The following NMNAT2 variants were observed in gnomAD, a reference collection of about 807,000 sequenced individuals.
NMNAT2 encodes nicotinamide/nicotinic acid mononucleotide adenylyltransferase 2.
Under a neutral mutation model 41.6 loss-of-function variants are expected in NMNAT2, and 11 were observed. The ratio of observed to expected loss-of-function variants is 0.26; its 90% CI spans 0.17 to 0.44. NMNAT2 has a LOEUF of 0.44. NMNAT2 is among the 20% of genes least tolerant of loss of function. The pLI is 1.00. For missense variants in NMNAT2, 288 were observed against 407.7 expected, an observed-to-expected ratio of 0.71 and a Z score of 2.53; for synonymous variants, 148 against 151.2, an observed-to-expected ratio of 0.98 and a Z score of 0.16.
intron 1 of NMNAT2, among the ~76,000 whole-genome samples, chr1:183,378,108 T>C (rs1663717687): frequency 6.6e-6 from 1 of 151,996 alleles, no homozygotes; most frequent in Non-Finnish European, 1.5e-5. Flanking sequence ...AAAATAAAAA[T>C]AGTCTGGGTG....
chr1:183,399,430 A>C (rs1407136797), intron 1 of NMNAT2, among the ~76,000 whole-genome samples: 1 of 152,180 alleles, frequency 6.6e-6, no homozygotes, highest in Non-Finnish European at 1.5e-5. Flanking sequence ...ATAGCCTACC[A>C]ACCAAAAAAG....
intron 1 of NMNAT2, among the ~76,000 whole-genome samples, chr1:183,305,887 A>AT (rs1209694789): frequency 6.6e-6 from 1 of 151,832 alleles, no homozygotes; most frequent in African/African-American, 2.4e-5. Context: ...TACCCGGCCA[A>AT]TTTTTTGTAT....
intron 1 of NMNAT2, among the ~76,000 whole-genome samples, chr1:183,360,118 T>A (rs1200301656): frequency 6.6e-6 from 1 of 152,160 alleles, no homozygotes; most frequent in Non-Finnish European, 1.5e-5. Flanking sequence ...TATTTCTGTA[T>A]CATTTCACTT....
intron 1 of NMNAT2, among the ~76,000 whole-genome samples, chr1:183,409,301 A>T (rs997051202): frequency 1.3e-5 from 2 of 152,148 alleles, no homozygotes; most frequent in Non-Finnish European, 2.9e-5. Context: ...TTCAATAGTC[A>T]TGGAGAATGA....
intron 1 of NMNAT2, among the ~76,000 whole-genome samples, chr1:183,341,685 AAAG>A (rs1277682536): frequency 2.6e-5 from 2 of 75,784 alleles, no homozygotes; most frequent in Non-Finnish European, 5.6e-5. Flanking sequence ...AGAAAAAAAA[AAAG>A]AGAGAGAGAG....
chr1:183,401,730 C>T (rs1648813252), intron 1 of NMNAT2, among the ~76,000 whole-genome samples: 1 of 152,080 alleles, frequency 6.6e-6, no homozygotes, highest in Admixed American at 6.6e-5. Context: ...GAATACTATG[C>T]AGCCATAAAA....
At chr1:183,292,039 C>T (rs780780594) in intron 3 of NMNAT2, among the ~76,000 whole-genome samples, 3 of 152,216 alleles carry the variant, frequency 2.0e-5, no homozygotes, top group Non-Finnish European at 4.4e-5. Flanking sequence ...CCCGTCACTT[C>T]GCCCCTTTCA....
At chr1:183,417,388 A>C (rs1649284856) in intron 1 of NMNAT2, among the ~76,000 whole-genome samples, 1 of 151,866 alleles carries the variant, frequency 6.6e-6, no homozygotes, top group Non-Finnish European at 1.5e-5. Flanking sequence ...ATTCGTACAC[A>C]CACTAGACGC....
intron 1 of NMNAT2, among the ~76,000 whole-genome samples, chr1:183,379,522 G>C (rs982995124): frequency 1.6e-4 from 25 of 152,116 alleles, no homozygotes; most frequent in African/African-American, 5.6e-4. Context: ...TAGGTTAAAA[G>C]TAAAAGGTTG....
At chr1:183,350,244 A>G (rs981488503) in intron 1 of NMNAT2, among the ~76,000 whole-genome samples, 4 of 152,156 alleles carry the variant, frequency 2.6e-5, no homozygotes, top group African/African-American at 9.7e-5. Context: ...TCCACACACC[A>G]AGTAAGAGCC....
At chr1:183,355,056 C>A (rs180954182) in intron 1 of NMNAT2, among the ~76,000 whole-genome samples, 333 of 152,336 alleles carry the variant, frequency 2.2e-3, no homozygotes, top group African/African-American at 7.5e-3. Context: ...GTCCATGCAA[C>A]CCCTGGCCCA....
intron 1 of NMNAT2, among the ~76,000 whole-genome samples, chr1:183,350,452 A>T (rs1557886404): frequency 6.6e-6 from 1 of 152,234 alleles, no homozygotes; most frequent in Non-Finnish European, 1.5e-5. Context: ...CTCCTTCAGA[A>T]AGTGAAAAAT....
chr1:183,332,199 G>A (rs113170407), intron 1 of NMNAT2, among the ~76,000 whole-genome samples: 2 of 151,902 alleles, frequency 1.3e-5, no homozygotes, highest in Non-Finnish European at 2.9e-5. Flanking sequence ...TTAGAGAACT[G>A]TTTATTTTTA....
At chr1:183,272,283 G>A (rs1661004783) in intron 8 of NMNAT2, among the ~76,000 whole-genome samples, 1 of 152,200 alleles carries the variant, frequency 6.6e-6, no homozygotes, top group South Asian at 2.1e-4. Context: ...GCAAAGCAAA[G>A]GAGCAGGTCT....
intron 1 of NMNAT2, among the ~76,000 whole-genome samples, chr1:183,355,330 C>G (rs1192146580): frequency 6.6e-6 from 1 of 152,184 alleles, no homozygotes; most frequent in Non-Finnish European, 1.5e-5. Context: ...AGTGGTTCTC[C>G]AAGTGTGTTT....
intron 3 of NMNAT2, among the ~76,000 whole-genome samples, chr1:183,291,466 G>A (rs554098899): frequency 9.9e-5 from 15 of 152,192 alleles, no homozygotes; most frequent in Non-Finnish European, 1.8e-4. Flanking sequence ...AGTGTCAGGC[G>A]CCCCACCCCA....
chr1:183,373,619 CT>C (rs35164473), intron 1 of NMNAT2, among the ~76,000 whole-genome samples: 52,580 of 140,274 alleles, frequency 0.37, 10,083 homozygotes, highest in East Asian at 0.61. Context: ...GAACTTTATT[CT>C]TTTTTTTTTT....
intron 1 of NMNAT2, among the ~76,000 whole-genome samples, chr1:183,341,160 A>T (rs1269722407): frequency 6.6e-6 from 1 of 152,148 alleles, no homozygotes; most frequent in African/African-American, 2.4e-5. Context: ...TGGCACTTTC[A>T]TCTGCGGCAG....
intron 4 of NMNAT2, among the ~76,000 whole-genome samples, chr1:183,288,259 C>T (rs985237032): frequency 6.6e-5 from 10 of 152,182 alleles, no homozygotes; most frequent in Admixed American, 3.3e-4. Context: ...CTCCTGCATT[C>T]TCAGAGGCCT....
Sources: allele counts gnomAD v4.1 joint callset (sites outside exome capture counted in the v4.1 genomes callset), GRCh38; gene constraint gnomAD v4.1.1; transcripts MANE v1.5; gene names NCBI Gene and HGNC (gene_info 2026-07-23, HGNC 2026-07-21).